Variants in KLF8 observed in about 807,000 individuals in gnomAD.
KLF8 encodes the protein Krueppel-like factor 8.
KLF8 carries 10 observed loss-of-function variants against 18.2 expected under a neutral mutation model. The ratio of observed to expected loss-of-function variants is 0.55; its 90% CI spans 0.34 to 0.93. The LOEUF (loss-of-function observed/expected upper bound fraction) is 0.93. Ranked by LOEUF, KLF8 falls within the 40% of genes least tolerant of loss-of-function variation. KLF8 has a pLI of 0.02. For synonymous variants in KLF8, 109 were observed against 97.3 expected, an observed-to-expected ratio of 1.12 and a Z score of -0.71; for missense variants, 264 against 277.9, an observed-to-expected ratio of 0.95 and a Z score of 0.36.
the KLF8 span, among the ~76,000 whole-genome samples, chrX:55,949,054 CTAGTCTTAGATGAATGTCTT>C: frequency 8.9e-6 from 1 of 112,078 alleles, no homozygotes; most frequent in African/African-American, 3.2e-5. Flanking sequence ...TTCTATGATA[CTAGTCTTAGATGAATGTCTT>C]TTAGTCAGGC....
the KLF8 span, among the ~76,000 whole-genome samples, chrX:55,938,794 G>T: frequency 9.0e-6 from 1 of 111,596 alleles, no homozygotes; most frequent in African/African-American, 3.3e-5. Context: ...TTACATAATG[G>T]TAAAGGGATC....
chrX:55,989,504 T>C, the KLF8 span, among the ~76,000 whole-genome samples: 1 of 112,450 alleles, frequency 8.9e-6, no homozygotes, highest in Non-Finnish European at 1.9e-5. Flanking sequence ...CTGGATAACG[T>C]TTACTGATTT....
At chrX:56,145,685 A>T in the KLF8 span, among the ~76,000 whole-genome samples, 3 of 112,341 alleles carry the variant, frequency 2.7e-5, no homozygotes, top group Non-Finnish European at 5.6e-5. Flanking sequence ...ATTGTGCTAC[A>T]TGTATACATA....
the KLF8 span, among the ~76,000 whole-genome samples, chrX:56,050,877 C>G: frequency 9.2e-6 from 1 of 109,141 alleles, no homozygotes; most frequent in Non-Finnish European, 1.9e-5. Context: ...GTGTTAAAGT[C>G]TCCCATTATT....
the KLF8 span, among the ~76,000 whole-genome samples, chrX:56,014,690 C>A: frequency 1.8e-5 from 2 of 111,217 alleles, no homozygotes; most frequent in African/African-American, 6.6e-5. Flanking sequence ...ATGTGCATTG[C>A]AGCACTATTC....
the KLF8 span, among the ~76,000 whole-genome samples, chrX:56,158,303 T>C: frequency 7.2e-4 from 81 of 112,049 alleles, 1 homozygote; most frequent in Middle Eastern, 4.6e-3. Context: ...CCTTGTAGTA[T>C]AGTTTGAAGT....
the KLF8 span, among the ~76,000 whole-genome samples, chrX:56,182,327 C>A: frequency 5.3e-5 from 6 of 112,200 alleles, no homozygotes; most frequent in Non-Finnish European, 1.1e-4. Flanking sequence ...CATTTAAGGT[C>A]TTCTCTATAC....
the KLF8 span, among the ~76,000 whole-genome samples, chrX:55,935,602 A>G: frequency 1.8e-5 from 2 of 112,439 alleles, no homozygotes; most frequent in African/African-American, 6.5e-5. Context: ...GAATTTTGAT[A>G]GTATGCATAG....
chrX:56,122,873 G>A, the KLF8 span, among the ~76,000 whole-genome samples: 2 of 111,072 alleles, frequency 1.8e-5, no homozygotes, highest in African/African-American at 6.5e-5. Context: ...ACAGCTGTGA[G>A]CCACCATGCC....
At position 56,286,970 on chromosome X, in the gene KLF8, A is replaced by C. The variant is rs1569196674; in HGVS notation, c.*2476A>C. 9.0e-6 allele frequency: 1 copy of C among 111,520 alleles called. No individual in the cohort carries two copies. Among genetic ancestry groups the C allele is most frequent in the East Asian group, 2.8e-4 (1 of 3,557 alleles). The allele number at this position is 111,520 out of a possible 1,213,427, so 9.2% of individuals were successfully genotyped here. On this transcript the variant is annotated 3_prime_UTR_variant, in exon 6 of 6. Coordinates refer to ENST00000468660, the MANE Select transcript of KLF8 (RefSeq NM_007250.5). ...TTCACAGTAGAGCCCGAGCTTACTC[A>C]TTTTTTTCAAAATTTGGATCCTGAT... is the stretch of plus-strand genomic sequence containing the variant.
At chrX:55,946,882 G>C in the KLF8 span, among the ~76,000 whole-genome samples, 1 of 111,197 alleles carries the variant, frequency 9.0e-6, no homozygotes. Flanking sequence ...AAACACATGA[G>C]AAAATGCTGA....
At chrX:55,958,778 T>C in the KLF8 span, among the ~76,000 whole-genome samples, 1 of 112,491 alleles carries the variant, frequency 8.9e-6, no homozygotes, top group Admixed American at 9.4e-5. Flanking sequence ...ATAAGGTTCT[T>C]GTCAACTCTA....
At chrX:55,915,814 A>G in the KLF8 span, among the ~76,000 whole-genome samples, 1 of 111,971 alleles carries the variant, frequency 8.9e-6, no homozygotes, top group Non-Finnish European at 1.9e-5. Flanking sequence ...AGCTGAAGCT[A>G]GCTTAAACAC....
chrX:56,167,686 C>T, the KLF8 span, among the ~76,000 whole-genome samples: 2 of 111,603 alleles, frequency 1.8e-5, no homozygotes, highest in Non-Finnish European at 3.8e-5. Flanking sequence ...AATGATTGAG[C>T]CCTTACCATG....
the KLF8 span, among the ~76,000 whole-genome samples, chrX:56,017,492 G>C: frequency 8.9e-6 from 1 of 112,297 alleles, no homozygotes; most frequent in Non-Finnish European, 1.9e-5. Context: ...GCGCAATGGA[G>C]GAAGATGCAG....
chrX:55,924,197 G>A, the KLF8 span, among the ~76,000 whole-genome samples: 1 of 110,947 alleles, frequency 9.0e-6, no homozygotes, highest in African/African-American at 3.3e-5. Flanking sequence ...AGCCTCCCGA[G>A]TAGCTAAGAC....
the KLF8 span, among the ~76,000 whole-genome samples, chrX:56,214,965 T>C: frequency 8.9e-6 from 1 of 112,307 alleles, no homozygotes; most frequent in Non-Finnish European, 1.9e-5. Context: ...GCTCAGCACA[T>C]GTCATTATCC....
At chrX:55,948,777 G>A in the KLF8 span, among the ~76,000 whole-genome samples, 5 of 111,363 alleles carry the variant, frequency 4.5e-5, no homozygotes, top group African/African-American at 1.3e-4. Flanking sequence ...AAACTACACA[G>A]TTATGAGGTT....
At chrX:56,255,598 T>C (rs2066781816) in intron 2 of KLF8, among the ~76,000 whole-genome samples, 1 of 112,136 alleles carries the variant, frequency 8.9e-6, no homozygotes, top group African/African-American at 3.2e-5. Flanking sequence ...TCCCCAGTTT[T>C]TTGAAGGGAT....
Sources: gnomAD v4.1 joint callset for allele counts (sites outside exome capture counted in the v4.1 genomes callset) on GRCh38, gnomAD v4.1.1 for gene constraint, MANE v1.5 for transcripts, NCBI Gene and HGNC (gene_info 2026-07-23, HGNC 2026-07-21) for gene names.